The following DLG2 variants were observed in gnomAD, a reference collection of about 807,000 sequenced individuals.
DLG2 encodes the protein disks large homolog 2.
DLG2 carries 45 observed loss-of-function variants against 132.5 expected under a neutral mutation model. That is an observed-to-expected ratio of 0.34 (90% CI 0.27 to 0.44). The LOEUF (loss-of-function observed/expected upper bound fraction) is 0.44. Among genes scored for constraint, DLG2 ranks in the 20% least tolerant of loss-of-function variants. DLG2 has a pLI of 1.00. For missense variants in DLG2, 1,045 were observed against 1,196.9 expected, an observed-to-expected ratio of 0.87 and a Z score of 1.87; for synonymous variants, 424 against 419.6, an observed-to-expected ratio of 1.01 and a Z score of -0.13.
At chr11:84,412,435 C>G (rs1041945893) in intron 7 of DLG2, among the ~76,000 whole-genome samples, 1 of 152,022 alleles carries the variant, frequency 6.6e-6, no homozygotes, top group Admixed American at 6.5e-5. Context: ...GTGTGCGAAC[C>G]CAAGTTAAAT....
intron 6 of DLG2, among the ~76,000 whole-genome samples, chr11:84,969,504 G>A (rs1482176356): frequency 6.6e-6 from 1 of 152,146 alleles, no homozygotes; most frequent in Non-Finnish European, 1.5e-5. Flanking sequence ...CTCCATCAAT[G>A]ATAAAAGCTT....
At chr11:84,412,877 C>G (rs557463916) in intron 7 of DLG2, among the ~76,000 whole-genome samples, 4 of 152,186 alleles carry the variant, frequency 2.6e-5, no homozygotes, top group Non-Finnish European at 5.9e-5. Flanking sequence ...AGATAACTTC[C>G]TGGAATGTAT....
At chr11:83,724,380 C>A (rs1353242309) in intron 18 of DLG2, among the ~76,000 whole-genome samples, 2 of 151,616 alleles carry the variant, frequency 1.3e-5, no homozygotes, top group Non-Finnish European at 2.9e-5. Context: ...GATCTGAAAT[C>A]AATGTGGATC....
chr11:84,082,625 G>A (rs2096921030), intron 10 of DLG2, among the ~76,000 whole-genome samples: 1 of 152,158 alleles, frequency 6.6e-6, no homozygotes, highest in African/African-American at 2.4e-5. Flanking sequence ...AGGGCTTTGT[G>A]TTCATAGATT....
intron 4 of DLG2, among the ~76,000 whole-genome samples, chr11:85,214,515 C>T (rs1217192733): frequency 6.6e-6 from 1 of 152,130 alleles, no homozygotes; most frequent in Non-Finnish European, 1.5e-5. Flanking sequence ...AATTCACAAA[C>T]CTGACTTGCA....
chr11:84,002,083 A>AAAATAGGTTT (rs1351630411), intron 11 of DLG2, among the ~76,000 whole-genome samples: 1 of 152,192 alleles, frequency 6.6e-6, no homozygotes, highest in East Asian at 1.9e-4. Context: ...AGAACTAAAC[A>AAAATAGGTTT]AAATAGGTTT....
At chr11:84,741,053 G>GTT (rs1473142363) in intron 6 of DLG2, among the ~76,000 whole-genome samples, 8 of 131,394 alleles carry the variant, frequency 6.1e-5, no homozygotes, top group Admixed American at 2.4e-4. Flanking sequence ...GTGTGCCTAT[G>GTT]CTCTTTTTTT....
intron 18 of DLG2, among the ~76,000 whole-genome samples, chr11:83,709,286 T>TAC (rs1410164566): frequency 6.7e-6 from 1 of 148,754 alleles, no homozygotes; most frequent in African/African-American, 2.5e-5. Flanking sequence ...TATACATATA[T>TAC]GTACATATAT....
At position 85,573,584 on chromosome 11, in the gene DLG2, T is replaced by C. The variant is rs2077975134; in HGVS notation, c.40+25073A>G. Among the ~76,000 whole-genome samples the C allele has an allele frequency of 2.6e-5, 4 of 152,138 alleles. No homozygotes were observed. The South Asian group carries it at 8.3e-4, about 32-fold the overall frequency. ...GTATCACACTCTTTCTGTGGAGAAA[T>C]CTTGACTGTGCTTTGTGTTTCTTGG... On this transcript the variant is annotated intron_variant, in intron 3 of 27. Transcript: ENST00000376104.
At chr11:84,094,990 T>A (rs189692299) in intron 10 of DLG2, among the ~76,000 whole-genome samples, 3 of 152,058 alleles carry the variant, frequency 2.0e-5, no homozygotes, top group Non-Finnish European at 4.4e-5. Context: ...AACTTGAGAA[T>A]AGAAGTACAG....
intron 8 of DLG2, among the ~76,000 whole-genome samples, chr11:84,236,100 A>G (rs545905192): frequency 6.6e-6 from 1 of 152,044 alleles, no homozygotes; most frequent in African/African-American, 2.4e-5. Context: ...AATTTCCTCA[A>G]GTTCACAAAA....
At chr11:85,220,637 A>AAAAATATATATATATAT (rs371263007) in intron 4 of DLG2, among the ~76,000 whole-genome samples, 2 of 148,262 alleles carry the variant, frequency 1.3e-5, no homozygotes, top group African/African-American at 5.0e-5. Flanking sequence ...TAGAAAAAAA[A>AAAAATATATATATATAT]ATATATATAT....
chr11:83,495,302 C>G (rs1178865611), intron 21 of DLG2, among the ~76,000 whole-genome samples: 2 of 152,084 alleles, frequency 1.3e-5, no homozygotes, highest in African/African-American at 2.4e-5. Context: ...TCAGAAAAAC[C>G]TGAGACATCA....
intron 7 of DLG2, among the ~76,000 whole-genome samples, chr11:84,509,858 T>C (rs930491124): frequency 6.6e-6 from 1 of 152,016 alleles, no homozygotes; most frequent in African/African-American, 2.4e-5. Context: ...AAGCCCAATT[T>C]ATATCTAATC....
At chr11:83,512,028 A>G (rs948350778) in intron 21 of DLG2, among the ~76,000 whole-genome samples, 8 of 152,168 alleles carry the variant, frequency 5.3e-5, no homozygotes, top group Admixed American at 5.2e-4. Context: ...GAAATTTGTA[A>G]ACAGTTTGTG....
intron 6 of DLG2, among the ~76,000 whole-genome samples, chr11:84,798,018 C>G (rs1413548806): frequency 1.3e-5 from 2 of 152,278 alleles, no homozygotes; most frequent in Non-Finnish European, 2.9e-5. Flanking sequence ...TTCATTTTCT[C>G]CCAAACAGAG....
chr11:84,187,287 G>A (rs977963141), intron 8 of DLG2, among the ~76,000 whole-genome samples: 4 of 151,810 alleles, frequency 2.6e-5, no homozygotes, highest in African/African-American at 9.7e-5. Flanking sequence ...TACTTTTCCA[G>A]ATATCTAGAC....
intron 3 of DLG2, among the ~76,000 whole-genome samples, chr11:85,441,755 C>T (rs2091788982): frequency 6.6e-6 from 1 of 152,116 alleles, no homozygotes; most frequent in South Asian, 2.1e-4. Context: ...TATAAAGGCA[C>T]TGTTCTAGTC....
chr11:85,062,288 G>C (rs998077804), intron 6 of DLG2, among the ~76,000 whole-genome samples: 2 of 151,736 alleles, frequency 1.3e-5, no homozygotes, highest in South Asian at 4.1e-4. Context: ...AAAATGTAGG[G>C]GAAAGCTTAG....
Sources: gnomAD v4.1 joint callset for allele counts (sites outside exome capture counted in the v4.1 genomes callset) on GRCh38, gnomAD v4.1.1 for gene constraint, MANE v1.5 for transcripts, NCBI Gene and HGNC (gene_info 2026-07-23, HGNC 2026-07-21) for gene names.